ANK2: variants seen among roughly 807,000 people sequenced by gnomAD.
ANK2 encodes ankyrin-2.
ANK2 carries 83 observed loss-of-function variants against 360.5 expected under a neutral mutation model. That is an observed-to-expected ratio of 0.23 (90% CI 0.19 to 0.28). ANK2 has a LOEUF of 0.28. ANK2 is among the 10% of genes least tolerant of loss of function. The pLI, the probability that ANK2 is intolerant of heterozygous loss-of-function variation, is 1.00. For missense variants in ANK2, 4,201 were observed against 4,795.7 expected (o/e 0.88, Z 3.66); for synonymous variants, 1,740 against 1,759.5 (o/e 0.99, Z 0.28).
intron 1 of ANK2, chr4:113,071,711 TAGGGCC>T (rs1192879670): frequency 2.0e-5 from 3 of 152,462 alleles, no homozygotes; most frequent in Admixed American, 1.3e-4. Flanking sequence ...ATCTGCACCA[TAGGGCC>T]AGAGAAATCA....
At chr4:113,015,673 A>G (rs1367524680) in intron 2 of ANK2, among the ~76,000 whole-genome samples, 1 of 152,252 alleles carries the variant, frequency 6.6e-6, no homozygotes, top group Non-Finnish European at 1.5e-5. Flanking sequence ...TTATTGTTAC[A>G]TATGGTGCCA....
At chr4:113,332,638 C>G (rs1473652346) in intron 28 of ANK2, among the ~76,000 whole-genome samples, 1 of 152,194 alleles carries the variant, frequency 6.6e-6, no homozygotes, top group Non-Finnish European at 1.5e-5. Flanking sequence ...TCCTCATTTA[C>G]GACACATCAA....
the ANK2 span, chr4:112,738,617 C>G: frequency 5.7e-6 from 3 of 527,298 alleles, no homozygotes; most frequent in Non-Finnish European, 1.1e-5. Flanking sequence ...AAACTACATT[C>G]TAGCTCTTCC....
intron 1 of ANK2, among the ~76,000 whole-genome samples, chr4:113,129,396 G>T (rs2095868442): frequency 6.6e-6 from 1 of 152,080 alleles, no homozygotes; most frequent in Non-Finnish European, 1.5e-5. Context: ...AGACACAATT[G>T]CTTTGTATAA....
intron 2 of ANK2, among the ~76,000 whole-genome samples, chr4:113,180,615 A>G (rs1032862734): frequency 2.0e-5 from 3 of 152,208 alleles, no homozygotes; most frequent in Non-Finnish European, 2.9e-5. Flanking sequence ...TTTATCTGGA[A>G]CTAAAATCTT....
intron 1 of ANK2, among the ~76,000 whole-genome samples, chr4:113,130,048 G>C (rs954913050): frequency 1.3e-5 from 2 of 152,126 alleles, no homozygotes; most frequent in South Asian, 4.1e-4. Flanking sequence ...AATCTGTGCA[G>C]GTATCTGTAT....
At chr4:112,938,415 G>A (rs1209845572) in intron 2 of ANK2, among the ~76,000 whole-genome samples, 6 of 152,028 alleles carry the variant, frequency 3.9e-5, no homozygotes, top group African/African-American at 1.2e-4. Flanking sequence ...TCTATCTACC[G>A]CTATATGTGT....
chr4:113,160,657 C>G (rs2097500037), intron 1 of ANK2, among the ~76,000 whole-genome samples: 1 of 152,138 alleles, frequency 6.6e-6, no homozygotes, highest in Non-Finnish European at 1.5e-5. Flanking sequence ...GTGTCAGGTA[C>G]TGTGCTGGAC....
At chr4:112,907,366 T>C (rs2150962154) in intron 2 of ANK2, among the ~76,000 whole-genome samples, 1 of 152,314 alleles carries the variant, frequency 6.6e-6, no homozygotes, top group East Asian at 1.9e-4. Flanking sequence ...TTAGTTCAGG[T>C]ACTTAAATTT....
intron 10 of ANK2, among the ~76,000 whole-genome samples, chr4:113,250,857 A>G (rs2045958627): frequency 6.6e-6 from 1 of 150,428 alleles, no homozygotes; most frequent in Non-Finnish European, 1.5e-5. Flanking sequence ...ATTTATATAT[A>G]ATTGAAATCA....
intron 45 of ANK2, 69 bp from the exon 46 acceptor site, chr4:113,381,388 C>A (rs1215121107): frequency 3.2e-6 from 5 of 1,562,790 alleles, no homozygotes; most frequent in Non-Finnish European, 4.4e-6. Context: ...GTAATGGTCA[C>A]CTTCATTCCT....
chr4:113,378,757 T>C (rs1288965438), intron 45 of ANK2, among the ~76,000 whole-genome samples: 2 of 152,212 alleles, frequency 1.3e-5, no homozygotes, highest in East Asian at 3.8e-4. Flanking sequence ...AGCACATTTT[T>C]ACGCTTATAC....
chr4:112,790,492 T>C, the ANK2 span, among the ~76,000 whole-genome samples: 8 of 148,252 alleles, frequency 5.4e-5, no homozygotes, highest in Admixed American at 4.0e-4. Flanking sequence ...TTCTTTTTTT[T>C]TTTTTTTTTT....
chr4:113,359,999 T>A (rs910512107), intron 38 of ANK2, among the ~76,000 whole-genome samples: 1 of 152,142 alleles, frequency 6.6e-6, no homozygotes, highest in African/African-American at 2.4e-5. Flanking sequence ...GCTCTTTGAC[T>A]TATAAAAAAG....
At chr4:112,729,237 G>A in the ANK2 span, among the ~76,000 whole-genome samples, 3 of 151,922 alleles carry the variant, frequency 2.0e-5, no homozygotes, top group African/African-American at 4.8e-5. Context: ...CCTAGTAAAC[G>A]GTTGGGATGT....
chr4:113,195,143 C>G (rs2098729783), intron 2 of ANK2, among the ~76,000 whole-genome samples: 1 of 152,056 alleles, frequency 6.6e-6, no homozygotes, highest in Non-Finnish European at 1.5e-5. Context: ...ATGTCTTTTG[C>G]CTCTAAATTT....
chr4:113,275,050 T>C (rs1039586446), intron 15 of ANK2, among the ~76,000 whole-genome samples: 1 of 152,216 alleles, frequency 6.6e-6, no homozygotes, highest in African/African-American at 2.4e-5. Flanking sequence ...TGCTGTGAGT[T>C]ATAGTACCAG....
At chr4:113,145,738 T>G in intron 1 of ANK2, 1 of 1,164,380 alleles carries the variant, frequency 8.6e-7, no homozygotes, top group Non-Finnish European at 1.1e-6. Context: ...GTGAGGGGCG[T>G]GGAAGGGAAC....
At chr4:112,780,515 A>G in the ANK2 span, among the ~76,000 whole-genome samples, 3 of 152,354 alleles carry the variant, frequency 2.0e-5, no homozygotes, top group Non-Finnish European at 2.9e-5. Flanking sequence ...GTAACTCTGT[A>G]TAGTATAATA....
Sources: allele counts gnomAD v4.1 joint callset (sites outside exome capture counted in the v4.1 genomes callset), GRCh38; gene constraint gnomAD v4.1.1; transcripts MANE v1.5; gene names NCBI Gene and HGNC (gene_info 2026-07-23, HGNC 2026-07-21).